ZCCHC8: variants seen among roughly 807,000 people sequenced by gnomAD.
ZCCHC8 encodes zinc finger CCHC-type containing 8.
Under a neutral mutation model 70.6 loss-of-function variants are expected in ZCCHC8, and 27 were observed. The observed-to-expected ratio is 0.38, with a 90% CI of 0.28 to 0.53. ZCCHC8 has a LOEUF of 0.53. Among genes scored for constraint, ZCCHC8 ranks in the 20% least tolerant of loss-of-function variants. ZCCHC8 has a pLI of 0.81. For synonymous variants in ZCCHC8, 293 were observed against 317.4 expected (o/e 0.92, Z 0.82); for missense variants, 737 against 876.9 (o/e 0.84, Z 2.01).
chr12:122,473,486 A>C lies in ZCCHC8; in HGVS notation c.*11T>G, dbSNP rs1461797831. ...AAGTTATTAAATAGCTCTCAGTGCT[A>C]AGTCAAGCCATTATTCAGAGGCCTT... On this transcript the variant is annotated 3_prime_UTR_variant, in exon 14 of 14. Coordinates refer to ENST00000633063, the MANE Select transcript of ZCCHC8 (RefSeq NM_017612.5). The C allele has an allele frequency of 6.2e-7, 1 of 1,611,296 alleles. No individual in the cohort carries two copies. Among genetic ancestry groups the C allele is most frequent in the Admixed American group, 1.7e-5 (1 of 59,538 alleles).
chr12:122,478,065 G>A (rs1957454680), intron 12 of ZCCHC8, 107 bp from the exon 13 acceptor site: 46 of 1,205,640 alleles, frequency 3.8e-5, no homozygotes, highest in Non-Finnish European at 5.3e-5. Flanking sequence ...GTTAAGTCTA[G>A]GTAATTGGTG....
intron 2 of ZCCHC8, among the ~76,000 whole-genome samples, chr12:122,495,358 G>A (rs1377723691): frequency 6.6e-6 from 1 of 151,904 alleles, no homozygotes; most frequent in African/African-American, 2.4e-5. Context: ...AGGCGTGGTG[G>A]CACACACCAG....
At position 122,483,510 on chromosome 12, in the gene ZCCHC8, T is replaced by G. The variant is rs1372550364; in HGVS notation, c.555A>C (p.Gln185His). The change falls in exon 6 of 14, where the codon CAA becomes CAC. Residue 185 changes from glutamine (Q) to histidine (H), a missense_variant. By Grantham distance (24) the Gln-to-His change is conservative (BLOSUM62 0). Coordinates refer to ENST00000633063, the MANE Select transcript of ZCCHC8 (RefSeq NM_017612.5). The surrounding 1 kb of genome is among the most constrained non-coding windows in gnomAD (Gnocchi z 4.4). ...GCTGAGGGTTTTCATTTAGAAGCGG[T>G]TGCCCCAATTTATCAAGGCAAAAAT... ...FTNFCLDKLG[Q>H]PLLNENPQLS... 1.3e-6 allele frequency: 2 copies of G among 1,595,396 alleles called. No homozygotes were observed. The highest frequency in any genetic ancestry group is 2.7e-5 in the African/African-American group (2 of 74,698).
In ZCCHC8 at chr12:122,478,484, A is replaced by C. The variant is rs1222239310; in HGVS notation, c.1141-192T>G. On this transcript the variant is annotated intron_variant, in intron 11 of 13. Coordinates refer to ENST00000633063, the MANE Select transcript of ZCCHC8 (RefSeq NM_017612.5). ...TAAACTTGCCTGCAAAATAATTAAG[A>C]CTGAATACTAAAAGACTACCTGACA... The C allele has an allele frequency of 7.3e-6, 4 of 549,804 alleles. No homozygotes were observed. The Admixed American group carries it at 9.5e-5, about 13-fold the overall frequency. 34.1% of individuals were successfully genotyped at this position (549,804 alleles called of 1,614,324 possible).
In ZCCHC8 at chr12:122,492,747, T is replaced by C; in HGVS notation, c.285A>G (p.Leu95=). ...VNDTKLDGPI[L]QILFMNNAIS... Reference sequence around the variant, plus strand: ...TAGCATTGTTCATGAATAGAATCTGTAATATAGGTCCATCTAACTTAGTAT... The same window carrying C: ...TAGCATTGTTCATGAATAGAATCTGCAATATAGGTCCATCTAACTTAGTAT... The change falls in exon 3 of 14, where the codon TTA becomes TTG. Residue 95 remains leucine (L), a synonymous_variant. Transcript: ENST00000633063. The C allele has an allele frequency of 2.6e-6, 4 of 1,549,646 alleles. No individual in the cohort carries two copies. Among genetic ancestry groups the C allele is most frequent in the Non-Finnish European group, 3.5e-6 (4 of 1,142,576 alleles).
At chr12:122,499,587 C>G (rs1165491164) in intron 1 of ZCCHC8, 1 of 152,272 alleles carries the variant, frequency 6.6e-6, no homozygotes, top group African/African-American at 2.4e-5. Flanking sequence ...TGAGCCACAG[C>G]GCCCGGCCTC....
chr12:122,475,938 C>T (rs1247324327), intron 13 of ZCCHC8, among the ~76,000 whole-genome samples: 1 of 152,250 alleles, frequency 6.6e-6, no homozygotes, highest in African/African-American at 2.4e-5. Context: ...TGCATCTGCA[C>T]TTCCCTCTGT....
Position 122,500,497 on chromosome 12 carries a change from C to G in ZCCHC8, c.199+145G>C. 2 of 1,080,450 alleles carry G rather than the reference C, an allele frequency of 1.9e-6. No homozygotes were observed. The highest frequency in any genetic ancestry group is 2.6e-6 in the Non-Finnish European group (2 of 777,304). The allele number at this position is 1,080,450 out of a possible 1,614,324, so 66.9% of individuals were successfully genotyped here. A position where few individuals can be genotyped will look rare whatever the true frequency, so the allele number is the denominator to read the frequency against. On this transcript the variant is annotated intron_variant, in intron 1 of 13. Transcript: ENST00000633063. This position sits in a 1 kb window ranked among gnomAD's most constrained non-coding sequence, Gnocchi z 4.8. ...GAACCCTAGACTCTCGGTCCGCCGGCGGGTGACAGAAAGCACTTGGAATTC... is the reference window on the plus strand; with the variant it reads ...GAACCCTAGACTCTCGGTCCGCCGGGGGGTGACAGAAAGCACTTGGAATTC...
Position 122,500,923 on chromosome 12 carries a change from C to T in ZCCHC8, c.-83G>A, listed in dbSNP as rs1461047396. On this transcript the variant is annotated 5_prime_UTR_variant, in exon 1 of 14. Coordinates refer to ENST00000633063, the MANE Select transcript of ZCCHC8 (RefSeq NM_017612.5). The surrounding 1 kb of genome is among the most constrained non-coding windows in gnomAD (Gnocchi z 4.8). ...GAAGGTTGGAAGGCGGCACCACTCTCTAGAGCTCTGGCCGCACGGAGCCAC... is the reference window on the plus strand; with the variant it reads ...GAAGGTTGGAAGGCGGCACCACTCTTTAGAGCTCTGGCCGCACGGAGCCAC... 3.1e-5 allele frequency: 45 copies of T among 1,439,490 alleles called. No homozygotes were observed. The East Asian group carries it at 1.1e-3, about 35-fold the overall frequency. 89.2% of individuals were successfully genotyped at this position (1,439,490 alleles called of 1,614,324 possible). A position where few individuals can be genotyped will look rare whatever the true frequency, so the allele number is the denominator to read the frequency against.
chr12:122,483,400 T>C lies in ZCCHC8; in HGVS notation c.606-56A>G, dbSNP rs897366805. The C allele has an allele frequency of 3.8e-6, 6 of 1,569,812 alleles. No homozygotes were observed. The highest frequency in any genetic ancestry group is 1.2e-5 in the South Asian group (1 of 85,502). On this transcript the variant is annotated intron_variant, in intron 6 of 13. Transcript: ENST00000633063. The surrounding 1 kb of genome is among the most constrained non-coding windows in gnomAD (Gnocchi z 4.4). ...CATGGTCTGCAAAATTTGGAAATTG[T>C]TTTAAAGGTGAACTTAGTGGCAAGA...
Position 122,498,926 on chromosome 12 carries a change from A to T in ZCCHC8, c.200-57T>A, listed in dbSNP as rs1029842906. The T allele has an allele frequency of 7.6e-6, 11 of 1,452,784 alleles. No homozygotes were observed. In the Admixed American group the frequency reaches 1.0e-4, roughly 14 times the overall value. 90.0% of individuals were successfully genotyped at this position (1,452,784 alleles called of 1,614,324 possible). A position where few individuals can be genotyped will look rare whatever the true frequency, so the allele number is the denominator to read the frequency against. ...TTTAACAATGCAAATCATAAAATTC[A>T]ACTACTACTTCTCTCACTTTTGGTG... On this transcript the variant is annotated intron_variant, in intron 1 of 13. Transcript: ENST00000633063.
At chr12:122,498,330 C>G (rs1957860395) in intron 2 of ZCCHC8, among the ~76,000 whole-genome samples, 4 of 152,058 alleles carry the variant, frequency 2.6e-5, no homozygotes, top group Admixed American at 2.6e-4. Context: ...CAGCGTTTCA[C>G]CACGTTGCCC....
Position 122,500,842 on chromosome 12 carries a change from T to C in ZCCHC8, c.-2A>G, listed in dbSNP as rs1957916785. 1 of 1,565,370 alleles carries C rather than the reference T, an allele frequency of 6.4e-7. No homozygotes were observed. The highest frequency in any genetic ancestry group is 8.7e-7 in the Non-Finnish European group (1 of 1,155,358). On this transcript the variant is annotated 5_prime_UTR_variant, in exon 1 of 14. Transcript: ENST00000633063. The surrounding 1 kb of genome is among the most constrained non-coding windows in gnomAD (Gnocchi z 4.8). Reference sequence around the variant, plus strand: ...GCCAAAATACACCTCTGCGGCCATTTTGGGCTGTGGAAAAGATTCGAGAAG... The same window carrying C: ...GCCAAAATACACCTCTGCGGCCATTCTGGGCTGTGGAAAAGATTCGAGAAG...
chr12:122,495,609 G>C (rs1420014194), intron 2 of ZCCHC8, among the ~76,000 whole-genome samples: 3 of 151,940 alleles, frequency 2.0e-5, no homozygotes, highest in African/African-American at 7.3e-5. Context: ...CAGCACTTTG[G>C]GAAGCCGAGG....
At position 122,483,394 on chromosome 12, in the gene ZCCHC8, A is replaced by G. The variant is rs1265285995; in HGVS notation, c.606-50T>C. 6.4e-7 allele frequency: 1 copy of G among 1,569,966 alleles called. No homozygotes were observed. The highest frequency in any genetic ancestry group is 1.2e-5 in the South Asian group (1 of 85,466). ...AGTTATCATGGTCTGCAAAATTTGG[A>G]AATTGTTTTAAAGGTGAACTTAGTG... On this transcript the variant is annotated intron_variant, in intron 6 of 13. Transcript: ENST00000633063. The surrounding 1 kb of genome is among the most constrained non-coding windows in gnomAD (Gnocchi z 4.4).
At chr12:122,486,230 T>C (rs1311950055) in intron 5 of ZCCHC8, among the ~76,000 whole-genome samples, 1 of 151,586 alleles carries the variant, frequency 6.6e-6, no homozygotes, top group Non-Finnish European at 1.5e-5. Context: ...CTGACCAACA[T>C]GGTGAAACCC....
rs1325789355 is a variant in ZCCHC8 at position 122,500,615 on chromosome 12, A to T, written c.199+27T>A. On this transcript the variant is annotated intron_variant, in intron 1 of 13. Transcript: ENST00000633063. This position sits in a 1 kb window ranked among gnomAD's most constrained non-coding sequence, Gnocchi z 4.8. ...GCTGCCCCGGCCCCACACCCGGGTG[A>T]CAGGGCCCAGCGAGAGGAAAGGATA... The T allele has an allele frequency of 6.5e-7, 1 of 1,541,198 alleles. No homozygotes were observed. The highest frequency in any genetic ancestry group is 1.9e-5 in the Admixed American group (1 of 51,416).
At chr12:122,485,672 CTT>C (rs769061586) in intron 5 of ZCCHC8, among the ~76,000 whole-genome samples, 31 of 143,356 alleles carry the variant, frequency 2.2e-4, no homozygotes, top group African/African-American at 7.6e-4. Flanking sequence ...TGACGACATC[CTT>C]TTTTTTTTTT....
chr12:122,480,565 A>G (rs745989920), intron 10 of ZCCHC8: 36 of 275,918 alleles, frequency 1.3e-4, no homozygotes, highest in Non-Finnish European at 1.8e-4. Flanking sequence ...TCTGCCTCTC[A>G]GGCTCAAGTG....
Sources: allele counts gnomAD v4.1 joint callset (sites outside exome capture counted in the v4.1 genomes callset), GRCh38; gene constraint gnomAD v4.1.1; non-coding constraint Gnocchi (gnomAD v3.1); transcripts MANE v1.5; gene names NCBI Gene and HGNC (gene_info 2026-07-23, HGNC 2026-07-21).